Variants in DLGAP2 observed in about 807,000 individuals in gnomAD.
DLGAP2 encodes the protein DLG associated protein 2.
In DLGAP2, 26 loss-of-function variants were observed where a neutral mutation model predicts 100.3. The observed-to-expected ratio is 0.26, with a 90% CI of 0.19 to 0.36. The LOEUF is 0.36. Ranked by LOEUF, DLGAP2 falls within the 10% of genes least tolerant of loss-of-function variation. DLGAP2 has a pLI of 1.00. For missense variants in DLGAP2, 1,858 were observed against 1,453.2 expected (o/e 1.28, Z -4.53); for synonymous variants, 886 against 630.1 (o/e 1.41, Z -6.08).
chr8:951,198 A>G (rs182988557), intron 2 of DLGAP2, among the ~76,000 whole-genome samples: 90 of 152,306 alleles, frequency 5.9e-4, no homozygotes, highest in Non-Finnish European at 1.2e-3. Context: ...ATTATAGGAT[A>G]TCTATCTTGT....
chr8:1,343,818 G>A (rs1322546264), intron 3 of DLGAP2, among the ~76,000 whole-genome samples: 3 of 152,118 alleles, frequency 2.0e-5, no homozygotes, highest in African/African-American at 7.2e-5. Context: ...GATCCTCCCT[G>A]CACGTCCACC....
At chr8:1,614,992 C>T (rs987278632) in intron 6 of DLGAP2, among the ~76,000 whole-genome samples, 1 of 152,240 alleles carries the variant, frequency 6.6e-6, no homozygotes, top group African/African-American at 2.4e-5. Flanking sequence ...CCTCTGAGCA[C>T]CCTCGCTACC....
At chr8:1,306,521 T>C (rs1362366447) in intron 3 of DLGAP2, among the ~76,000 whole-genome samples, 2 of 152,146 alleles carry the variant, frequency 1.3e-5, no homozygotes, top group African/African-American at 2.4e-5. Flanking sequence ...ATGGTGGGTT[T>C]TTGAGAAATA....
chr8:1,059,522 C>T lies in DLGAP2; in HGVS notation c.73+151556C>T, dbSNP rs115903311. 1.2e-3 allele frequency among the ~76,000 whole-genome samples: 176 copies of T among 152,252 alleles called. 1 individual carries two copies. The highest frequency in any genetic ancestry group is 4.0e-3 in the African/African-American group (165 of 41,546). The stretch of plus-strand genomic sequence containing the variant: ...AATGAGCAGAGCACGTGGTGTGTGG[C>T]GAGTGTGGGCTGTTCAGTGCCCATT... On this transcript the variant is annotated intron_variant, in intron 2 of 14. Coordinates refer to ENST00000637795, the MANE Select transcript of DLGAP2 (RefSeq NM_001346810.2).
chr8:1,559,927 C>T (rs1401193826), intron 5 of DLGAP2, among the ~76,000 whole-genome samples: 1 of 152,222 alleles, frequency 6.6e-6, no homozygotes, highest in African/African-American at 2.4e-5. Context: ...CTTTCCTGAT[C>T]CTGGCCCCTC....
At chr8:1,086,802 A>G (rs1009936282) in intron 2 of DLGAP2, among the ~76,000 whole-genome samples, 2 of 152,248 alleles carry the variant, frequency 1.3e-5, no homozygotes. Flanking sequence ...GCTATGATGC[A>G]GCAATCATAG....
chr8:1,414,283 T>A lies in DLGAP2; in HGVS notation c.107-87083T>A, dbSNP rs900723355. On this transcript the variant is annotated intron_variant, in intron 3 of 14. Coordinates refer to ENST00000637795, the MANE Select transcript of DLGAP2 (RefSeq NM_001346810.2). Reference sequence around the variant, plus strand: ...TGGGGTTGGCATGGCGCCCTGAGCATGTGATTGGAGGGTGTGTTTCACAGT... The same window carrying A: ...TGGGGTTGGCATGGCGCCCTGAGCAAGTGATTGGAGGGTGTGTTTCACAGT... Among the ~76,000 whole-genome samples, 22 of 152,286 alleles carry A rather than the reference T, an allele frequency of 1.4e-4. 1 individual carries two copies. Among genetic ancestry groups the A allele is most frequent in the African/African-American group, 4.3e-4 (18 of 41,566 alleles).
At chr8:1,480,087 C>T (rs1056945742) in intron 3 of DLGAP2, among the ~76,000 whole-genome samples, 2 of 152,140 alleles carry the variant, frequency 1.3e-5, no homozygotes, top group Admixed American at 1.3e-4. Context: ...GCAGTGAGTC[C>T]CAGGGACGCC....
intron 1 of DLGAP2, among the ~76,000 whole-genome samples, chr8:778,545 T>C (rs1821592751): frequency 6.6e-6 from 1 of 152,256 alleles, no homozygotes; most frequent in Non-Finnish European, 1.5e-5. Context: ...CCTTTCTGTT[T>C]GTTAGTTTTC....
intron 3 of DLGAP2, among the ~76,000 whole-genome samples, chr8:1,317,238 A>G (rs1800777538): frequency 7.0e-6 from 1 of 142,222 alleles, no homozygotes; most frequent in Non-Finnish European, 1.5e-5. Flanking sequence ...CAGCGTTTAA[A>G]AATAGAGCGT....
chr8:1,227,153 G>GATAT (rs759172816), intron 2 of DLGAP2, among the ~76,000 whole-genome samples: 1,444 of 89,666 alleles, frequency 0.016, 150 homozygotes, highest in African/African-American at 0.018. Flanking sequence ...GAAACTGTGA[G>GATAT]ATATATATAT....
intron 6 of DLGAP2, among the ~76,000 whole-genome samples, chr8:1,614,843 G>A (rs998853878): frequency 2.1e-5 from 3 of 142,368 alleles, no homozygotes; most frequent in African/African-American, 9.3e-5. Context: ...TGCATTGCAC[G>A]TGCACACACG....
intron 6 of DLGAP2, among the ~76,000 whole-genome samples, chr8:1,601,804 T>C (rs1169233502): frequency 6.6e-6 from 1 of 152,180 alleles, no homozygotes; most frequent in Non-Finnish European, 1.5e-5. Context: ...TTCCTCTCCC[T>C]AAATGGTTCC....
chr8:766,556 T>C (rs142081960), intron 1 of DLGAP2, among the ~76,000 whole-genome samples: 235 of 152,318 alleles, frequency 1.5e-3, no homozygotes, highest in African/African-American at 5.4e-3. Flanking sequence ...TCCGGCGTTA[T>C]TGGCTGTCGG....
chr8:1,216,143 AGT>A (rs1798208538), intron 2 of DLGAP2, among the ~76,000 whole-genome samples: 1 of 152,102 alleles, frequency 6.6e-6, no homozygotes, highest in South Asian at 2.1e-4. Flanking sequence ...TAGACAGGGG[AGT>A]GTGTGTTCGC....
At chr8:922,348 A>G (rs1182790276) in intron 2 of DLGAP2, among the ~76,000 whole-genome samples, 1 of 152,168 alleles carries the variant, frequency 6.6e-6, no homozygotes, top group Non-Finnish European at 1.5e-5. Context: ...GGGAAAATGA[A>G]TCCCTGAGGT....
At chr8:766,885 C>T (rs530774975) in intron 1 of DLGAP2, among the ~76,000 whole-genome samples, 3 of 152,154 alleles carry the variant, frequency 2.0e-5, no homozygotes, top group South Asian at 4.2e-4. Context: ...GGTGGATGGG[C>T]GGCCTAGACT....
intron 2 of DLGAP2, among the ~76,000 whole-genome samples, chr8:1,162,654 C>T (rs1343396669): frequency 6.6e-6 from 1 of 152,214 alleles, no homozygotes; most frequent in Non-Finnish European, 1.5e-5. Context: ...TGAGTGTTTT[C>T]TGGATATATT....
chr8:1,336,205 G>A (rs1585271948), intron 3 of DLGAP2, among the ~76,000 whole-genome samples: 1 of 152,226 alleles, frequency 6.6e-6, no homozygotes, highest in African/African-American at 2.4e-5. Context: ...GAATGGTTTT[G>A]AATGTAACTA....
Sources: gnomAD v4.1 joint callset for allele counts (sites outside exome capture counted in the v4.1 genomes callset) on GRCh38, gnomAD v4.1.1 for gene constraint, MANE v1.5 for transcripts, NCBI Gene and HGNC (gene_info 2026-07-23, HGNC 2026-07-21) for gene names.